The following GHR variants were observed in gnomAD, a reference collection of about 807,000 sequenced individuals.
GHR encodes the protein growth hormone receptor.
In GHR, 35 loss-of-function variants were observed where a neutral mutation model predicts 67.1. That is an observed-to-expected ratio of 0.52 (90% CI 0.40 to 0.69). The LOEUF (loss-of-function observed/expected upper bound fraction) is 0.69. GHR is among the 30% of genes least tolerant of loss of function. GHR has a pLI of 0.00. For missense variants in GHR, 792 were observed against 764.6 expected, an observed-to-expected ratio of 1.04 and a Z score of -0.42; for synonymous variants, 272 against 269.1, an observed-to-expected ratio of 1.01 and a Z score of -0.10.
chr5:42,646,405 A>C (rs767271966), intron 3 of GHR: 2 of 451,502 alleles, frequency 4.4e-6, no homozygotes, highest in East Asian at 7.0e-5. Context: ...TTTGGCATGA[A>C]AACTAATACG....
chr5:42,691,681 G>A lies in GHR; in HGVS notation c.266+2662G>A, dbSNP rs182025292. 7.1e-3 allele frequency among the ~76,000 whole-genome samples: 1,079 copies of A among 152,344 alleles called. 60 individuals carry two copies. Among genetic ancestry groups the A allele is most frequent in the Admixed American group, 0.062 (946 of 15,296 alleles). On this transcript the variant is annotated intron_variant, in intron 4 of 9. Transcript: ENST00000230882. ...CTCAGTATCTAAAGCACAACAGAAC[G>A]TGAACATGTCAGGCTGTCAACAGGA...
intron 3 of GHR, among the ~76,000 whole-genome samples, chr5:42,667,283 G>A (rs1756036569): frequency 6.6e-6 from 1 of 152,110 alleles, no homozygotes; most frequent in Non-Finnish European, 1.5e-5. Context: ...AGCTAACACA[G>A]ACACAGTCAA....
At chr5:42,548,555 T>C (rs1748848815) in intron 1 of GHR, 4 of 933,556 alleles carry the variant, frequency 4.3e-6, no homozygotes, top group Non-Finnish European at 5.1e-6. Context: ...CTGTTACTTA[T>C]TGTTTGATTA....
intron 8 of GHR, 35 bp downstream of exon 8, chr5:42,713,554 C>A: frequency 1.1e-6 from 1 of 899,290 alleles, no homozygotes; most frequent in Non-Finnish European, 1.9e-6. Context: ...GTATTTTGTA[C>A]CAGTTGTTTA....
At chr5:42,550,887 G>A (rs1392314142) in intron 1 of GHR, among the ~76,000 whole-genome samples, 7 of 152,078 alleles carry the variant, frequency 4.6e-5, no homozygotes, top group Admixed American at 2.0e-4. Flanking sequence ...ACCAACACCC[G>A]GCACCCTCAG....
At chr5:42,648,030 A>C (rs1272678241) in intron 3 of GHR, among the ~76,000 whole-genome samples, 1 of 152,288 alleles carries the variant, frequency 6.6e-6, no homozygotes, top group East Asian at 1.9e-4. Context: ...TTTTTAAAAA[A>C]TTTTTAAAGA....
chr5:42,540,896 C>G (rs1748484831), intron 1 of GHR, among the ~76,000 whole-genome samples: 1 of 151,704 alleles, frequency 6.6e-6, no homozygotes, highest in Non-Finnish European at 1.5e-5. Flanking sequence ...TAAAGCAGAT[C>G]TAGCACATTT....
intron 2 of GHR, among the ~76,000 whole-genome samples, chr5:42,621,854 A>C (rs1339516870): frequency 6.6e-6 from 1 of 152,114 alleles, no homozygotes; most frequent in Non-Finnish European, 1.5e-5. Context: ...ACACTCCCTC[A>C]TGGAGATGTG....
At chr5:42,558,114 C>T (rs146022604) in intron 1 of GHR, among the ~76,000 whole-genome samples, 1 of 152,244 alleles carries the variant, frequency 6.6e-6, no homozygotes, top group African/African-American at 2.4e-5. Context: ...CAGTACACCA[C>T]TGTCTATGAT....
intron 1 of GHR, among the ~76,000 whole-genome samples, chr5:42,457,221 T>C (rs1163148096): frequency 6.6e-6 from 1 of 152,224 alleles, no homozygotes; most frequent in Non-Finnish European, 1.5e-5. Flanking sequence ...GGCAACTGCC[T>C]GGCATTGGAT....
chr5:42,471,646 T>G (rs1745016552), intron 1 of GHR, among the ~76,000 whole-genome samples: 1 of 152,222 alleles, frequency 6.6e-6, no homozygotes, highest in East Asian at 1.9e-4. Context: ...AGTCTGGTTT[T>G]CCTGAGGATT....
chr5:42,468,029 G>T, intron 1 of GHR: 1 of 804,336 alleles, frequency 1.2e-6, no homozygotes, highest in South Asian at 1.7e-5. Context: ...AGGTCCTTAA[G>T]GATCAGCTTT....
chr5:42,569,601 G>T (rs189526932), intron 2 of GHR, among the ~76,000 whole-genome samples: 1 of 152,220 alleles, frequency 6.6e-6, no homozygotes, highest in East Asian at 1.9e-4. Flanking sequence ...GGAATAGTGT[G>T]TGTGTGTGCA....
intron 3 of GHR, among the ~76,000 whole-genome samples, chr5:42,688,651 T>C (rs1034255647): frequency 6.6e-6 from 1 of 152,160 alleles, no homozygotes; most frequent in African/African-American, 2.4e-5. Context: ...TATGAAATGC[T>C]TGAAATAAAA....
intron 1 of GHR, among the ~76,000 whole-genome samples, chr5:42,553,800 G>A (rs373590438): frequency 6.6e-5 from 10 of 152,152 alleles, no homozygotes; most frequent in South Asian, 4.2e-4. Flanking sequence ...TTCTGTGGCC[G>A]GCTGATTTCA....
chr5:42,515,259 T>G (rs532904711), intron 1 of GHR, among the ~76,000 whole-genome samples: 1 of 152,338 alleles, frequency 6.6e-6, no homozygotes, highest in South Asian at 2.1e-4. Context: ...TTCTTTTCCT[T>G]GTAGTTTATT....
At chr5:42,486,573 C>G (rs1307413439) in intron 1 of GHR, among the ~76,000 whole-genome samples, 1 of 152,168 alleles carries the variant, frequency 6.6e-6, no homozygotes, top group African/African-American at 2.4e-5. Flanking sequence ...TTTGGCCGGG[C>G]ACGGTGGCTT....
chr5:42,613,606 C>T (rs1752991313), intron 2 of GHR, among the ~76,000 whole-genome samples: 1 of 152,038 alleles, frequency 6.6e-6, no homozygotes. Flanking sequence ...AGGGATTTGA[C>T]TTTGACATTA....
intron 1 of GHR, among the ~76,000 whole-genome samples, chr5:42,515,840 A>G (rs538123349): frequency 6.6e-6 from 1 of 152,350 alleles, no homozygotes; most frequent in South Asian, 2.1e-4. Context: ...ATCGCAGCCT[A>G]TGAAATTAGT....
Sources: gnomAD v4.1 joint callset for allele counts (sites outside exome capture counted in the v4.1 genomes callset) on GRCh38, gnomAD v4.1.1 for gene constraint, MANE v1.5 for transcripts, NCBI Gene and HGNC (gene_info 2026-07-23, HGNC 2026-07-21) for gene names.